Variants in PPP1R12B observed in about 807,000 individuals in gnomAD.
PPP1R12B encodes the protein myosin phosphatase target subunit 2.
In PPP1R12B, 76 loss-of-function variants were observed where a neutral mutation model predicts 126.1. That is an observed-to-expected ratio of 0.60 (90% CI 0.50 to 0.73). The LOEUF is 0.73. PPP1R12B is among the 30% of genes least tolerant of loss of function. The probability of loss-of-function intolerance (pLI) is 0.00; values close to 1 mark genes in which losing one functional copy is unlikely to be tolerated. For missense variants in PPP1R12B, 1,052 were observed against 1,205.1 expected (o/e 0.87, Z 1.88); for synonymous variants, 356 against 434.7 (o/e 0.82, Z 2.25).
chr1:202,497,836 T>C (rs184675753), intron 18 of PPP1R12B, among the ~76,000 whole-genome samples: 1 of 152,312 alleles, frequency 6.6e-6, no homozygotes, highest in East Asian at 1.9e-4. Context: ...TAGCAACTCT[T>C]AGTTTCTTCA....
At chr1:202,476,714 C>T (rs1676719783) in intron 13 of PPP1R12B, among the ~76,000 whole-genome samples, 1 of 151,626 alleles carries the variant, frequency 6.6e-6, no homozygotes, top group Non-Finnish European at 1.5e-5. Flanking sequence ...TTTAGTAAGA[C>T]ATATACTACA....
chr1:202,497,327 A>C (rs1558302701), intron 18 of PPP1R12B, among the ~76,000 whole-genome samples: 1 of 152,168 alleles, frequency 6.6e-6, no homozygotes, highest in Non-Finnish European at 1.5e-5. Context: ...CCTGCAGTGA[A>C]AGGCCTAAGT....
chr1:202,374,819 CAGGCGTGA>C (rs898248716), intron 1 of PPP1R12B, among the ~76,000 whole-genome samples: 7 of 152,168 alleles, frequency 4.6e-5, no homozygotes, highest in African/African-American at 1.7e-4. Context: ...GCTAGGATTA[CAGGCGTGA>C]GCCACCGTGC....
chr1:202,358,976 T>G (rs1657637956), intron 1 of PPP1R12B, among the ~76,000 whole-genome samples: 1 of 152,330 alleles, frequency 6.6e-6, no homozygotes. Context: ...CTAGTGACTC[T>G]CTTTTAAGCA....
intron 3 of PPP1R12B, among the ~76,000 whole-genome samples, 193 bp downstream of exon 3, chr1:202,422,931 A>G (rs1290262993): frequency 6.6e-6 from 1 of 152,226 alleles, no homozygotes; most frequent in Non-Finnish European, 1.5e-5. Flanking sequence ...CCAGATGTCA[A>G]AAGGATGACC....
chr1:202,391,070 A>G (rs893476101), intron 1 of PPP1R12B, among the ~76,000 whole-genome samples: 5 of 152,180 alleles, frequency 3.3e-5, no homozygotes, highest in African/African-American at 1.2e-4. Flanking sequence ...CCCCCAAAAA[A>G]AGAAAGTGAT....
intron 1 of PPP1R12B, chr1:202,369,834 C>T (rs754054535): frequency 6.5e-6 from 1 of 152,908 alleles, no homozygotes; most frequent in Non-Finnish European, 1.4e-5. Flanking sequence ...CTGGCTCCAT[C>T]ATCCAGGCTG....
At chr1:202,366,006 C>T (rs574853313) in intron 1 of PPP1R12B, among the ~76,000 whole-genome samples, 5 of 151,598 alleles carry the variant, frequency 3.3e-5, no homozygotes, top group Non-Finnish European at 5.9e-5. Flanking sequence ...CCCGCCCCCC[C>T]ACAAAAAAAC....
intron 1 of PPP1R12B, among the ~76,000 whole-genome samples, chr1:202,355,473 C>T (rs983230736): frequency 3.9e-5 from 6 of 151,946 alleles, no homozygotes; most frequent in Non-Finnish European, 7.4e-5. Context: ...GCAGCATGGG[C>T]GAATAAATAG....
chr1:202,550,806 A>G (rs1018042353), intron 18 of PPP1R12B, among the ~76,000 whole-genome samples: 4 of 152,252 alleles, frequency 2.6e-5, no homozygotes, highest in Non-Finnish European at 4.4e-5. Flanking sequence ...CTGCAAATGC[A>G]TTTATGAATC....
At chr1:202,551,312 T>C (rs1383262254) in intron 18 of PPP1R12B, among the ~76,000 whole-genome samples, 5 of 152,222 alleles carry the variant, frequency 3.3e-5, no homozygotes, top group Non-Finnish European at 7.3e-5. Flanking sequence ...TGAAGACATA[T>C]GTGATTTAAT....
chr1:202,426,348 G>A (rs1407698763), intron 4 of PPP1R12B, among the ~76,000 whole-genome samples: 1 of 152,124 alleles, frequency 6.6e-6, no homozygotes, highest in Admixed American at 6.6e-5. Flanking sequence ...TTTTTAATAG[G>A]TATAGCAGTG....
At chr1:202,417,259 A>T (rs1668200920) in intron 2 of PPP1R12B, 1 of 985,356 alleles carries the variant, frequency 1.0e-6, no homozygotes, top group East Asian at 1.1e-4. Flanking sequence ...GTTTTTCTGG[A>T]TTCTTTGTAA....
At chr1:202,400,029 G>A (rs1558178889) in intron 1 of PPP1R12B, among the ~76,000 whole-genome samples, 3 of 151,700 alleles carry the variant, frequency 2.0e-5, no homozygotes, top group South Asian at 2.1e-4. Context: ...CTCTGCTCTA[G>A]TAGTCCCCAG....
In PPP1R12B at chr1:202,361,526, T is replaced by G. The variant is rs576901283; in HGVS notation, c.291+12384T>G. On this transcript the variant is annotated intron_variant, in intron 1 of 23. Coordinates refer to ENST00000608999, the MANE Select transcript of PPP1R12B (RefSeq NM_002481.4). ...GACACCATGCCATTTATGAGGGAGC[T>G]GCCCTTGTAATCCACACATTTCCCA... Among the ~76,000 whole-genome samples, 568 of 152,324 alleles carry G rather than the reference T, an allele frequency of 3.7e-3. 4 individuals are homozygous for G. Among genetic ancestry groups the G allele is most frequent in the African/African-American group, 0.012 (502 of 41,582 alleles).
chr1:202,484,662 A>C (rs1042534785), intron 13 of PPP1R12B, among the ~76,000 whole-genome samples: 36 of 152,160 alleles, frequency 2.4e-4, no homozygotes, highest in Non-Finnish European at 7.3e-5. Context: ...ATTTCTTGTA[A>C]GGCTAGTCTA....
intron 18 of PPP1R12B, chr1:202,540,381 A>G: frequency 1.7e-6 from 1 of 590,954 alleles, no homozygotes; most frequent in Non-Finnish European, 2.8e-6. Flanking sequence ...AAAAATTGCA[A>G]GTAAAGACCC....
rs574149027 is a variant in PPP1R12B, at chr1:202,483,218, AT to A, written c.1851-5305del. Among the ~76,000 whole-genome samples, 515 of 111,632 alleles carry A rather than the reference AT, an allele frequency of 4.6e-3. 4 individuals are homozygous for A. Among genetic ancestry groups the A allele is most frequent in the Non-Finnish European group, 4.3e-3 (217 of 50,966 alleles). 73.2% of individuals were successfully genotyped at this position (111,632 alleles called of 152,430 possible). On this transcript the variant is annotated intron_variant, in intron 13 of 23. Coordinates refer to ENST00000608999, the MANE Select transcript of PPP1R12B (RefSeq NM_002481.4). ...CCACTCAGAATTGCTTTGGCTATTCATTTTTTTTTTCTGGTTTCCTATGAAT... is the reference window on the plus strand; with the variant it reads ...CCACTCAGAATTGCTTTGGCTATTCATTTTTTTTTCTGGTTTCCTATGAAT...
chr1:202,533,522 T>G (rs189061268), intron 18 of PPP1R12B, among the ~76,000 whole-genome samples: 4 of 152,096 alleles, frequency 2.6e-5, no homozygotes, highest in African/African-American at 9.7e-5. Context: ...TTTTATGACA[T>G]TGCCCAGGCT....
Sources: allele counts gnomAD v4.1 joint callset (sites outside exome capture counted in the v4.1 genomes callset), GRCh38; gene constraint gnomAD v4.1.1; transcripts MANE v1.5; gene names NCBI Gene and HGNC (gene_info 2026-07-23, HGNC 2026-07-21).